ATG2B: variants seen among roughly 807,000 people sequenced by gnomAD.
The protein encoded by ATG2B is autophagy related 2B, also known as autophagy-related protein 2 homolog B.
Under a neutral mutation model 241.3 loss-of-function variants are expected in ATG2B, and 121 were observed. That is an observed-to-expected ratio of 0.50 (90% CI 0.43 to 0.58). ATG2B has a LOEUF of 0.58. Among genes scored for constraint, ATG2B ranks in the 20% least tolerant of loss-of-function variants. The pLI, the probability that ATG2B is intolerant of heterozygous loss-of-function variation, is 0.00. For missense variants in ATG2B, 2,306 were observed against 2,491.6 expected (o/e 0.93, Z 1.59); for synonymous variants, 858 against 876.6 (o/e 0.98, Z 0.37).
chr14:96,362,868 G>A lies in ATG2B; in HGVS notation c.109C>T (p.Leu37=). ...QEKLSLEQLS[L]DLYQGTGSLA... is the part of the protein sequence containing the mutation. Reference sequence around the variant, plus strand: ...GACCCGGTGCCTTGGTACAGGTCCAGGCTGAGCTGCTCCAGGCTCAGCTTC... The same window carrying A: ...GACCCGGTGCCTTGGTACAGGTCCAAGCTGAGCTGCTCCAGGCTCAGCTTC... The change falls in exon 1 of 42, where the codon CTG becomes TTG. Residue 37 remains leucine, a synonymous_variant. Coordinates refer to ENST00000359933, the MANE Select transcript of ATG2B (RefSeq NM_018036.7). 1.9e-6 allele frequency: 3 copies of A among 1,613,388 alleles called. No homozygotes were observed. Among genetic ancestry groups the A allele is most frequent in the Non-Finnish European group, 2.5e-6 (3 of 1,179,988 alleles).
At position 96,315,254 on chromosome 14, in the gene ATG2B, G is replaced by T. The variant is rs757427938; in HGVS notation, c.3562-20C>A. 6.2e-7 allele frequency: 1 copy of T among 1,607,620 alleles called. No homozygotes were observed. The highest frequency in any genetic ancestry group is 2.2e-5 in the East Asian group (1 of 44,818). On this transcript the variant is annotated intron_variant, in intron 22 of 41. Transcript: ENST00000359933. ...AAATTCCTATACAGAACAAGACAAA[G>T]AATGACATTTACCACCTATGTAATC...
chr14:96,321,461 T>C (rs1887454417), intron 18 of ATG2B, among the ~76,000 whole-genome samples: 1 of 152,138 alleles, frequency 6.6e-6, no homozygotes, highest in African/African-American at 2.4e-5. Context: ...TTCTCAGAAC[T>C]CTCCAAGTGT....
intron 6 of ATG2B, among the ~76,000 whole-genome samples, chr14:96,335,266 C>A (rs1388882670): frequency 6.6e-6 from 1 of 152,100 alleles, no homozygotes; most frequent in African/African-American, 2.4e-5. Flanking sequence ...ATTTTTATGT[C>A]ATTTTGCAAC....
rs549654918 is a variant in ATG2B, at chr14:96,302,758, G to A, written c.5037+303C>T. Among the ~76,000 whole-genome samples the A allele has an allele frequency of 1.9e-4, 29 of 152,314 alleles. 1 individual carries two copies. The South Asian group carries it at 6.0e-3, about 32-fold the overall frequency. On this transcript the variant is annotated intron_variant, in intron 33 of 41. Coordinates refer to ENST00000359933, the MANE Select transcript of ATG2B (RefSeq NM_018036.7). ...AGAATCATTTCTACCTTACTAAAAT[G>A]TAAAGAGTGTTAGAAATCTGGAACA...
At chr14:96,300,289 G>A (rs1168062522) in intron 34 of ATG2B, among the ~76,000 whole-genome samples, 2 of 152,212 alleles carry the variant, frequency 1.3e-5, no homozygotes, top group Non-Finnish European at 2.9e-5. Flanking sequence ...GGAGGCCAAG[G>A]TGGGAGGATT....
At chr14:96,357,673 A>AT (rs1400100146) in intron 1 of ATG2B, among the ~76,000 whole-genome samples, 7 of 147,532 alleles carry the variant, frequency 4.7e-5, no homozygotes, top group Non-Finnish European at 1.1e-4. Flanking sequence ...TGTTTTTCAG[A>AT]TTTTTTCATA....
Position 96,303,046 on chromosome 14 carries a change from G to A in ATG2B, c.5037+15C>T. 1 of 1,476,448 alleles carries A rather than the reference G, an allele frequency of 6.8e-7. No individual in the cohort carries two copies. Among genetic ancestry groups the A allele is most frequent in the Non-Finnish European group, 9.1e-7 (1 of 1,104,250 alleles). The allele number at this position is 1,476,448 out of a possible 1,614,324, so 91.5% of individuals were successfully genotyped here. A position where few individuals can be genotyped will look rare whatever the true frequency, so the allele number is the denominator to read the frequency against. On this transcript the variant is annotated intron_variant, in intron 33 of 41. Transcript: ENST00000359933. ...TCCAAAACTAACATAACACAACGATGAGGTTAACTCTTACCATGTTGGAGT... is the reference window on the plus strand; with the variant it reads ...TCCAAAACTAACATAACACAACGATAAGGTTAACTCTTACCATGTTGGAGT...
rs201441781 is a variant in ATG2B, at chr14:96,344,644, G to A, written c.581+10C>T. On this transcript the variant is annotated intron_variant, in intron 4 of 41. Coordinates refer to ENST00000359933, the MANE Select transcript of ATG2B (RefSeq NM_018036.7). ...TAGGGTCATTTATTTTCAGACATAAGAATTCTTACCTTTCTATTCGAATTT... is the reference window on the plus strand; with the variant it reads ...TAGGGTCATTTATTTTCAGACATAAAAATTCTTACCTTTCTATTCGAATTT... The A allele has an allele frequency of 6.6e-6, 10 of 1,525,628 alleles. No individual in the cohort carries two copies. Among genetic ancestry groups the A allele is most frequent in the Non-Finnish European group, 8.1e-6 (9 of 1,111,604 alleles). The allele number at this position is 1,525,628 out of a possible 1,614,324, so 94.5% of individuals were successfully genotyped here.
Position 96,315,446 on chromosome 14 carries a change from T to G in ATG2B, c.3499A>C (p.Ser1167Arg), listed in dbSNP as rs1360000219. ...ACGGCAACAGACAGCATATTCAAAC[T>G]GTCTCCTCCAACTCCATCTGAAGAA... is the stretch of plus-strand genomic sequence containing the variant. ...KTSSDGVGGD[S>R]LNMLSVAVKI... Residue 1167 changes from serine to arginine, a missense_variant, in exon 22 of 42, where the codon AGT becomes CGT. Ser to Arg is a moderately radical substitution (Grantham distance 110, BLOSUM62 -1). Around this residue, in one of 2 missense-constraint regions of ATG2B, gnomAD observed 1,927 missense variants for 2,011.2 expected, o/e 0.96. Transcript: ENST00000359933. The G allele has an allele frequency of 6.2e-7, 1 of 1,614,204 alleles. No homozygotes were observed. The highest frequency in any genetic ancestry group is 8.5e-7 in the Non-Finnish European group (1 of 1,180,014).
rs576357131 is a variant in ATG2B at position 96,320,253 on chromosome 14, T to C, written c.2879+1859A>G. ...TATCAGTGGAGTTATATATTTCATATACTCGCCAAAGACCAACTGTGTCTG... is the reference window on the plus strand; with the variant it reads ...TATCAGTGGAGTTATATATTTCATACACTCGCCAAAGACCAACTGTGTCTG... On this transcript the variant is annotated intron_variant, in intron 18 of 41. Transcript: ENST00000359933. Among the ~76,000 whole-genome samples, 110 of 152,298 alleles carry C rather than the reference T, an allele frequency of 7.2e-4. 1 individual carries two copies. In the South Asian group the frequency reaches 0.022, roughly 30 times the overall value.
At chr14:96,305,498 T>G (rs1229528506) in intron 31 of ATG2B, 91 bp downstream of exon 31, 1 of 826,908 alleles carries the variant, frequency 1.2e-6, no homozygotes, top group Non-Finnish European at 1.8e-6. Flanking sequence ...TATTTTTCTT[T>G]TTTCTCTCTA....
chr14:96,322,390 C>A, intron 17 of ATG2B, 136 bp from the exon 18 acceptor site: 1 of 1,298,894 alleles, frequency 7.7e-7, no homozygotes, highest in Non-Finnish European at 1.0e-6. Flanking sequence ...AAAATATACA[C>A]CAAGAAAAAA....
At chr14:96,334,523 A>G in intron 6 of ATG2B, 22 bp from the exon 7 acceptor site, 1 of 1,377,714 alleles carries the variant, frequency 7.3e-7, no homozygotes, top group South Asian at 1.2e-5. Context: ...AAAAAAAACT[A>G]TTCATGAGGA....
chr14:96,345,775 T>C (rs894994762), intron 2 of ATG2B, among the ~76,000 whole-genome samples: 1 of 152,154 alleles, frequency 6.6e-6, no homozygotes, highest in Non-Finnish European at 1.5e-5. Context: ...TTATATTTTG[T>C]GGGCCATATG....
In ATG2B at chr14:96,337,648, T is replaced by C. The variant is rs1046322205; in HGVS notation, c.925-3147A>G. Among the ~76,000 whole-genome samples, 3 of 152,216 alleles carry C rather than the reference T, an allele frequency of 2.0e-5. No individual in the cohort carries two copies. The East Asian group carries it at 5.8e-4, about 29-fold the overall frequency. Reference sequence around the variant, plus strand: ...TTCCATTGGACTAAGTGCCTATTTTTATACCAGTACCATACTGTTTTGCTA... The same window carrying C: ...TTCCATTGGACTAAGTGCCTATTTTCATACCAGTACCATACTGTTTTGCTA... On this transcript the variant is annotated intron_variant, in intron 6 of 41. Transcript: ENST00000359933.
chr14:96,308,233 T>TATATATATATATAC (rs1887018525), intron 29 of ATG2B, among the ~76,000 whole-genome samples: 1 of 14,368 alleles, frequency 7.0e-5, no homozygotes, highest in Non-Finnish European at 1.8e-4. Context: ...TATATATACA[T>TATATATATATATAC]ATATATATAT....
intron 34 of ATG2B, among the ~76,000 whole-genome samples, chr14:96,300,370 T>G (rs1389534309): frequency 6.6e-6 from 1 of 151,760 alleles, no homozygotes; most frequent in Non-Finnish European, 1.5e-5. Flanking sequence ...AAAATAAAAA[T>G]AGAAAATTAG....
chr14:96,286,577 T>C (rs1886340749), intron 41 of ATG2B, among the ~76,000 whole-genome samples: 1 of 152,192 alleles, frequency 6.6e-6, no homozygotes, highest in Admixed American at 6.5e-5. Context: ...TCTCACAACA[T>C]AATAAAATAA....
chr14:96,343,100 G>T lies in ATG2B; in HGVS notation c.744+19C>A. 6.6e-7 allele frequency: 1 copy of T among 1,523,206 alleles called. No homozygotes were observed. Among genetic ancestry groups the T allele is most frequent in the Non-Finnish European group, 8.8e-7 (1 of 1,134,168 alleles). 94.4% of individuals were successfully genotyped at this position (1,523,206 alleles called of 1,614,324 possible). On this transcript the variant is annotated intron_variant, in intron 5 of 41. Transcript: ENST00000359933. ...AAAAAATCTATGATTATGGTTTTAG[G>T]GTTTTTGTTTTTTCTTACCACTGGT...
Sources: gnomAD v4.1 joint callset for allele counts (sites outside exome capture counted in the v4.1 genomes callset) on GRCh38, gnomAD v4.1.1 for gene constraint, gnomAD v4.1.1 regional missense constraint, MANE v1.5 for transcripts, NCBI Gene and HGNC (gene_info 2026-07-23, HGNC 2026-07-21) for gene names.